The following CUL1 variants were observed in gnomAD, a reference collection of about 807,000 sequenced individuals.
CUL1 encodes the protein cullin-1.
CUL1 carries 24 observed loss-of-function variants against 118.0 expected under a neutral mutation model. The ratio of observed to expected loss-of-function variants is 0.20; its 90% CI spans 0.15 to 0.29. The LOEUF (loss-of-function observed/expected upper bound fraction) is 0.29, where lower values mean the gene tolerates loss of function less well. Among genes scored for constraint, CUL1 ranks in the 10% least tolerant of loss-of-function variants. The probability of loss-of-function intolerance (pLI) is 1.00; values close to 1 mark genes in which losing one functional copy is unlikely to be tolerated. For synonymous variants in CUL1, 332 were observed against 340.4 expected (o/e 0.98, Z 0.27); for missense variants, 361 against 933.8 (o/e 0.39, Z 7.99).
intron 1 of CUL1, among the ~76,000 whole-genome samples, chr7:148,707,354 C>T (rs1014389961): frequency 1.1e-4 from 17 of 152,126 alleles, no homozygotes; most frequent in South Asian, 2.1e-4. Flanking sequence ...TTTTGCTTCA[C>T]CCTAGTCCTT....
intron 16 of CUL1, among the ~76,000 whole-genome samples, chr7:148,791,190 A>G (rs935012753): frequency 2.0e-5 from 3 of 152,202 alleles, no homozygotes; most frequent in Non-Finnish European, 2.9e-5. Flanking sequence ...AAAAAAGTCC[A>G]AGCTCTTTCT....
chr7:148,790,889 T>A (rs936938811), intron 16 of CUL1, among the ~76,000 whole-genome samples: 1 of 152,212 alleles, frequency 6.6e-6, no homozygotes, highest in Non-Finnish European at 1.5e-5. Flanking sequence ...GAGTACAACC[T>A]AATTTATACC....
Position 148,787,205 on chromosome 7 carries a change from G to A in CUL1, c.1479+85G>A, listed in dbSNP as rs557147894. 3.5e-6 allele frequency: 5 copies of A among 1,423,274 alleles called. No homozygotes were observed. Among genetic ancestry groups the A allele is most frequent in the East Asian group, 4.9e-5 (2 of 40,854 alleles). 88.2% of individuals were successfully genotyped at this position (1,423,274 alleles called of 1,614,324 possible). A position where few individuals can be genotyped will look rare whatever the true frequency, so the allele number is the denominator to read the frequency against. On this transcript the variant is annotated intron_variant, in intron 13 of 21. Coordinates refer to ENST00000325222, the MANE Select transcript of CUL1 (RefSeq NM_003592.3). The surrounding 1 kb of genome is among the most constrained non-coding windows in gnomAD (Gnocchi z 5.5). ...TGGCCGAGCGCGGTGGCTCATGCCT[G>A]TAATCCCAGCACTTTGGGAGGCCGA...
At chr7:148,716,550 C>T (rs1202217209) in intron 1 of CUL1, among the ~76,000 whole-genome samples, 2 of 152,236 alleles carry the variant, frequency 1.3e-5, no homozygotes, top group East Asian at 1.9e-4. Flanking sequence ...CACTTCCACC[C>T]TTCTCCCACA....
rs560946910 is a variant in CUL1 at position 148,734,473 on chromosome 7, G to A, written c.140+4211G>A. Among the ~76,000 whole-genome samples, 46 of 152,272 alleles carry A rather than the reference G, an allele frequency of 3.0e-4. No individual in the cohort carries two copies. The East Asian group carries it at 3.9e-3, about 13-fold the overall frequency. On this transcript the variant is annotated intron_variant, in intron 2 of 21. Transcript: ENST00000325222. ...TGCCCAGGCTGGTCTCAAACTCCTC[G>A]ACTCAAGTTATCCGCCCACCTGGGC...
In CUL1 at chr7:148,800,108, C is replaced by T. The variant is rs1029109469; in HGVS notation, c.2251-394C>T. Among the ~76,000 whole-genome samples, 7 of 152,192 alleles carry T rather than the reference C, an allele frequency of 4.6e-5. No individual in the cohort carries two copies. The highest frequency in any genetic ancestry group is 1.4e-4 in the African/African-American group (6 of 41,444). ...GTTACATTTGGCACAGGTGCCAGTT[C>T]GTTCATGGCTGTTCAGGGAGTTCCC... On this transcript the variant is annotated intron_variant, in intron 21 of 21. Coordinates refer to ENST00000325222, the MANE Select transcript of CUL1 (RefSeq NM_003592.3). This position sits in a 1 kb window ranked among gnomAD's most constrained non-coding sequence, Gnocchi z 4.6.
At chr7:148,757,268 C>A in intron 4 of CUL1, 118 bp downstream of exon 4, 1 of 514,496 alleles carries the variant, frequency 1.9e-6, no homozygotes, top group Admixed American at 4.3e-5. Flanking sequence ...GAATAGTAAA[C>A]TAATTTTCAT....
intron 2 of CUL1, among the ~76,000 whole-genome samples, chr7:148,731,835 C>G (rs1798773741): frequency 6.6e-6 from 1 of 152,216 alleles, no homozygotes; most frequent in Non-Finnish European, 1.5e-5. Flanking sequence ...GAGGCTTCAT[C>G]CTTGTAGCGC....
At chr7:148,798,187 C>G (rs1801271718) in intron 19 of CUL1, among the ~76,000 whole-genome samples, 168 bp downstream of exon 19, 2 of 152,132 alleles carry the variant, frequency 1.3e-5, no homozygotes, top group South Asian at 4.2e-4. Context: ...ATTCAGCGAG[C>G]CTGATGTTTC....
intron 1 of CUL1, among the ~76,000 whole-genome samples, chr7:148,715,526 T>C (rs243530): frequency 0.26 from 39,807 of 152,064 alleles, 5,621 homozygotes; most frequent in South Asian, 0.39. Context: ...GGTTCTCTTA[T>C]ATATTCTGTC....
chr7:148,747,537 G>A (rs949884574), intron 2 of CUL1, among the ~76,000 whole-genome samples: 11 of 152,138 alleles, frequency 7.2e-5, no homozygotes, highest in African/African-American at 2.2e-4. Context: ...GAGAGCTGAC[G>A]TTTCCATGGA....
At chr7:148,712,697 G>A (rs1444245598) in intron 1 of CUL1, among the ~76,000 whole-genome samples, 2 of 152,082 alleles carry the variant, frequency 1.3e-5, no homozygotes, top group African/African-American at 4.8e-5. Flanking sequence ...ATTCCTCATA[G>A]CCACCTTATA....
At chr7:148,725,198 TACACACACACACACGCGCGCGCTCACAC>T (rs1481214690) in intron 1 of CUL1, among the ~76,000 whole-genome samples, 3 of 106,754 alleles carry the variant, frequency 2.8e-5, no homozygotes, top group African/African-American at 6.4e-5. Flanking sequence ...TGCGCGCGTG[TACACACACACACACGCGCGCGCTCACAC>T]ACACACACAC....
chr7:148,715,774 C>A (rs930811298), intron 1 of CUL1, among the ~76,000 whole-genome samples: 1 of 152,156 alleles, frequency 6.6e-6, no homozygotes, highest in African/African-American at 2.4e-5. Flanking sequence ...TTAAAAAAAA[C>A]ACATTCAACT....
At chr7:148,771,206 GTTTT>G (rs1179389439) in intron 9 of CUL1, among the ~76,000 whole-genome samples, 1 of 152,090 alleles carries the variant, frequency 6.6e-6, no homozygotes, top group Non-Finnish European at 1.5e-5. Flanking sequence ...CCAAAAAAAA[GTTTT>G]TTATCTGGCT....
At chr7:148,794,125 C>T (rs1427964454) in intron 17 of CUL1, among the ~76,000 whole-genome samples, 2 of 151,716 alleles carry the variant, frequency 1.3e-5, no homozygotes, top group Admixed American at 6.6e-5. Context: ...CGTAAGAATT[C>T]TTTTAATATT....
At chr7:148,786,909 T>G in intron 12 of CUL1, 80 bp from the exon 13 acceptor site, 1 of 1,540,900 alleles carries the variant, frequency 6.5e-7, no homozygotes, top group Non-Finnish European at 8.7e-7. Flanking sequence ...GGCTCCTGGC[T>G]TGTGGCCGGT....
rs1797614499 is a variant in CUL1, at chr7:148,698,927, G to A, written c.-264G>A. The A allele has an allele frequency of 6.5e-6, 1 of 153,882 alleles. No homozygotes were observed. The highest frequency in any genetic ancestry group is 6.5e-5 in the Admixed American group (1 of 15,286). The allele number at this position is 153,882 out of a possible 1,614,324, so 9.5% of individuals were successfully genotyped here. ...CAGGCGGGGCAGCCCCGGTAGCTGAGGGACGCAGCTAGACCTTGGCGGGAC... is the reference window on the plus strand; with the variant it reads ...CAGGCGGGGCAGCCCCGGTAGCTGAAGGACGCAGCTAGACCTTGGCGGGAC... On this transcript the variant is annotated 5_prime_UTR_variant, in exon 1 of 22. Coordinates refer to ENST00000325222, the MANE Select transcript of CUL1 (RefSeq NM_003592.3).
chr7:148,776,833 G>A (rs1800418472), intron 9 of CUL1, among the ~76,000 whole-genome samples: 1 of 152,096 alleles, frequency 6.6e-6, no homozygotes, highest in Non-Finnish European at 1.5e-5. Flanking sequence ...TCTCTTTCCT[G>A]TCCATCCTCA....
Sources: gnomAD v4.1 joint callset for allele counts (sites outside exome capture counted in the v4.1 genomes callset) on GRCh38, gnomAD v4.1.1 for gene constraint, Gnocchi (gnomAD v3.1) non-coding constraint, MANE v1.5 for transcripts, NCBI Gene and HGNC (gene_info 2026-07-23, HGNC 2026-07-21) for gene names.